Variants in ABLIM2 observed in about 807,000 individuals in gnomAD.
ABLIM2 encodes actin-binding LIM protein 2.
ABLIM2 carries 53 observed loss-of-function variants against 97.7 expected under a neutral mutation model. The observed-to-expected ratio is 0.54, with a 90% CI of 0.44 to 0.68. The LOEUF (loss-of-function observed/expected upper bound fraction) is 0.68. Among genes scored for constraint, ABLIM2 ranks in the 30% least tolerant of loss-of-function variants. The pLI, the probability that ABLIM2 is intolerant of heterozygous loss-of-function variation, is 0.00. For synonymous variants in ABLIM2, 361 were observed against 345.8 expected (o/e 1.04, Z -0.49); for missense variants, 835 against 867.2 (o/e 0.96, Z 0.47).
intron 1 of ABLIM2, among the ~76,000 whole-genome samples, chr4:8,152,774 TC>T (rs1200111379): frequency 1.3e-5 from 2 of 152,064 alleles, no homozygotes; most frequent in Non-Finnish European, 2.9e-5. Context: ...TTTAACAACC[TC>T]TGTGAGCCTC....
At chr4:7,973,299 G>A (rs1369400636) in intron 20 of ABLIM2, among the ~76,000 whole-genome samples, 3 of 151,610 alleles carry the variant, frequency 2.0e-5, no homozygotes, top group Admixed American at 6.6e-5. Context: ...TCAGGAGTTC[G>A]TGACCAGCCT....
At position 8,058,206 on chromosome 4, in the gene ABLIM2, C is replaced by T. The variant is rs1007456379; in HGVS notation, c.763+2761G>A. ...CTAAGGGTGCCCTTTACTGTGGGGG[C>T]CAAACCCCATGCAGAGCAAGGCCCC... On this transcript the variant is annotated intron_variant, in intron 7 of 20. Transcript: ENST00000447017. This position sits in a 1 kb window ranked among gnomAD's most constrained non-coding sequence, Gnocchi z 4.2. Among the ~76,000 whole-genome samples, 1 of 152,234 alleles carries T rather than the reference C, an allele frequency of 6.6e-6. No individual in the cohort carries two copies. The highest frequency in any genetic ancestry group is 1.5e-5 in the Non-Finnish European group (1 of 68,032).
At position 7,965,430 on chromosome 4, in the gene ABLIM2, T is replaced by C. The variant is rs370311821; in HGVS notation, c.*1560A>G. ...AGTTGCTCAGGCTCAGATTGCGCAA[T>C]GGCAGGAAGCATATTAGGTGCTAAA... On this transcript the variant is annotated 3_prime_UTR_variant, in exon 21 of 21. Transcript: ENST00000447017. 2 of 152,538 alleles carry C rather than the reference T, an allele frequency of 1.3e-5. No individual in the cohort carries two copies. The highest frequency in any genetic ancestry group is 2.1e-4 in the South Asian group (1 of 4,828). The allele number at this position is 152,538 out of a possible 1,614,324, so 9.4% of individuals were successfully genotyped here.
chr4:8,080,646 G>A lies in ABLIM2; in HGVS notation c.581+30C>T, dbSNP rs1819220517. ...CACAGAGTAGGGAAGCCTGAGCGGA[G>A]GCTCTCACTAGAGCCCTCCCCCCAC... On this transcript the variant is annotated intron_variant, in intron 5 of 20. Coordinates refer to ENST00000447017, the MANE Select transcript of ABLIM2 (RefSeq NM_001130083.2). 4 of 1,566,900 alleles carry A rather than the reference G, an allele frequency of 2.6e-6. No individual in the cohort carries two copies. In the South Asian group the frequency reaches 4.7e-5, roughly 18 times the overall value.
intron 6 of ABLIM2, among the ~76,000 whole-genome samples, chr4:8,076,780 G>A (rs1164239663): frequency 7.4e-6 from 1 of 135,210 alleles, no homozygotes; most frequent in Admixed American, 7.2e-5. Context: ...AGGGTGGGGG[G>A]GTCTGTGAAC....
intron 16 of ABLIM2, chr4:7,993,950 C>T (rs1235523364): frequency 3.9e-6 from 2 of 513,524 alleles, no homozygotes; most frequent in African/African-American, 1.9e-5. Context: ...CTCTTCAATA[C>T]CACGTGATGG....
chr4:8,004,177 C>T lies in ABLIM2; in HGVS notation c.1618+3882G>A, dbSNP rs972078043. Among the ~76,000 whole-genome samples, 3 of 151,882 alleles carry T rather than the reference C, an allele frequency of 2.0e-5. No homozygotes were observed. The highest frequency in any genetic ancestry group is 2.9e-5 in the Non-Finnish European group (2 of 67,996). On this transcript the variant is annotated intron_variant, in intron 16 of 20. Coordinates refer to ENST00000447017, the MANE Select transcript of ABLIM2 (RefSeq NM_001130083.2). This position sits in a 1 kb window ranked among gnomAD's most constrained non-coding sequence, Gnocchi z 5.9. ...CCTAACCCTCCCTCCCAACGGGCTC[C>T]GAGACCAGGCAGCAGAGAGACAAGC...
chr4:8,009,426 T>C (rs1763442555), intron 14 of ABLIM2, among the ~76,000 whole-genome samples: 1 of 152,172 alleles, frequency 6.6e-6, no homozygotes, highest in Non-Finnish European at 1.5e-5. Context: ...AGATGGAGTC[T>C]CGCTCTGTCA....
chr4:8,089,579 A>C (rs1561308537), intron 3 of ABLIM2, among the ~76,000 whole-genome samples: 1 of 152,036 alleles, frequency 6.6e-6, no homozygotes, highest in Non-Finnish European at 1.5e-5. Flanking sequence ...TACTAAAAAC[A>C]CAAAAATTAG....
chr4:8,116,109 G>C (rs1218099998), intron 1 of ABLIM2, among the ~76,000 whole-genome samples: 2 of 152,206 alleles, frequency 1.3e-5, no homozygotes, highest in Non-Finnish European at 2.9e-5. Flanking sequence ...ATTGTGGAGA[G>C]GAGACAAGGC....
At position 8,029,671 on chromosome 4, in the gene ABLIM2, G is replaced by A. The variant is rs1416182892; in HGVS notation, c.1153C>T (p.His385Tyr). ...RYTPTSRSPQ[H>Y]YSRPAGTVSV... ...GGCCAAGTACCTGGACGGCTGTAGT[G>A]CTGTGGTGACCGTGAGGTCGGAGTG... The change falls in exon 11 of 21, where the codon CAC (histidine) becomes TAC (tyrosine). Residue 385 changes from histidine (H) to tyrosine (Y), a missense_variant. Coordinates refer to ENST00000447017, the MANE Select transcript of ABLIM2 (RefSeq NM_001130083.2). 1 of 1,550,408 alleles carries A rather than the reference G, an allele frequency of 6.4e-7. No homozygotes were observed. The highest frequency in any genetic ancestry group is 1.4e-5 in the African/African-American group (1 of 73,016).
chr4:7,982,067 C>T (rs1432818848), intron 20 of ABLIM2, among the ~76,000 whole-genome samples: 1 of 151,874 alleles, frequency 6.6e-6, no homozygotes, highest in African/African-American at 2.4e-5. Flanking sequence ...CTCAGCTGCA[C>T]CCATGCCCCT....
At chr4:8,031,488 C>G (rs1373401412) in intron 10 of ABLIM2, among the ~76,000 whole-genome samples, 3 of 152,214 alleles carry the variant, frequency 2.0e-5, no homozygotes. Flanking sequence ...ATACAGCACC[C>G]AGGTACCATG....
intron 6 of ABLIM2, among the ~76,000 whole-genome samples, chr4:8,070,648 C>A (rs1811343766): frequency 1.3e-5 from 2 of 152,168 alleles, no homozygotes; most frequent in Admixed American, 6.5e-5. Context: ...TCGGCACCCC[C>A]TTTCCTGCCA....
chr4:8,143,799 T>C (rs1878520), intron 1 of ABLIM2, among the ~76,000 whole-genome samples: 151,918 of 152,304 alleles, frequency 1, 75,766 homozygotes, highest in Middle Eastern at 1. Flanking sequence ...CTAGCCTCCC[T>C]GCCAAGCCTG....
At position 8,147,558 on chromosome 4, in the gene ABLIM2, C is replaced by T. The variant is rs532354769; in HGVS notation, c.10+11122G>A. Among the ~76,000 whole-genome samples, 11 of 152,188 alleles carry T rather than the reference C, an allele frequency of 7.2e-5. No individual in the cohort carries two copies. The highest frequency in any genetic ancestry group is 4.2e-4 in the South Asian group (2 of 4,814). ...AAGAGTCCTTATGGGGAGGAGGGAG[C>T]GGGAGACGACACACACAGGGGAGAA... On this transcript the variant is annotated intron_variant, in intron 1 of 20. Transcript: ENST00000447017. This position sits in a 1 kb window ranked among gnomAD's most constrained non-coding sequence, Gnocchi z 5.3.
At chr4:8,154,155 G>A (rs199772607) in intron 1 of ABLIM2, among the ~76,000 whole-genome samples, 1 of 151,320 alleles carries the variant, frequency 6.6e-6, no homozygotes, top group Admixed American at 6.6e-5. Flanking sequence ...GTAGAGATGG[G>A]GTTTCACTGT....
intron 1 of ABLIM2, among the ~76,000 whole-genome samples, chr4:8,152,952 T>A (rs1713572491): frequency 6.6e-6 from 1 of 152,162 alleles, no homozygotes; most frequent in South Asian, 2.1e-4. Flanking sequence ...AGGTAGGTTT[T>A]ACGGAGCCCT....
Position 8,072,461 on chromosome 4 carries a change from G to T in ABLIM2, c.675+5167C>A, listed in dbSNP as rs928679880. Among the ~76,000 whole-genome samples the T allele has an allele frequency of 6.6e-6, 1 of 152,228 alleles. No individual in the cohort carries two copies. The highest frequency in any genetic ancestry group is 2.4e-5 in the African/African-American group (1 of 41,462). Reference sequence around the variant, plus strand: ...TGGGGGCTGCTGCCCATGGGTGTCAGAAACGCGGGGCAGGTGAGGCTCCTG... The same window carrying T: ...TGGGGGCTGCTGCCCATGGGTGTCATAAACGCGGGGCAGGTGAGGCTCCTG... On this transcript the variant is annotated intron_variant, in intron 6 of 20. Transcript: ENST00000447017. This position sits in a 1 kb window ranked among gnomAD's most constrained non-coding sequence, Gnocchi z 5.8.
Sources: gnomAD v4.1 joint callset for allele counts (sites outside exome capture counted in the v4.1 genomes callset) on GRCh38, gnomAD v4.1.1 for gene constraint, Gnocchi (gnomAD v3.1) non-coding constraint, MANE v1.5 for transcripts, NCBI Gene and HGNC (gene_info 2026-07-23, HGNC 2026-07-21) for gene names.